Variants in PDE1A observed in about 807,000 individuals in gnomAD.
The protein encoded by PDE1A is dual specificity calcium/calmodulin-dependent 3',5'-cyclic nucleotide phosphodiesterase 1A.
PDE1A carries 35 observed loss-of-function variants against 61.7 expected under a neutral mutation model. The ratio of observed to expected loss-of-function variants is 0.57; its 90% CI spans 0.43 to 0.75. The LOEUF (loss-of-function observed/expected upper bound fraction) is 0.75. Among genes scored for constraint, PDE1A ranks in the 30% least tolerant of loss-of-function variants. The probability of loss-of-function intolerance (pLI) is 0.00; values close to 1 mark genes in which losing one functional copy is unlikely to be tolerated. For synonymous variants in PDE1A, 232 were observed against 213.2 expected, an observed-to-expected ratio of 1.09 and a Z score of -0.77; for missense variants, 597 against 630.6, an observed-to-expected ratio of 0.95 and a Z score of 0.57.
intron 2 of PDE1A, among the ~76,000 whole-genome samples, chr2:182,486,394 T>C (rs1688026260): frequency 6.6e-6 from 1 of 152,040 alleles, no homozygotes; most frequent in South Asian, 2.1e-4. Context: ...ACAGAAACAA[T>C]AATATTTCTA....
intron 2 of PDE1A, among the ~76,000 whole-genome samples, chr2:182,518,538 G>A (rs913718381): frequency 5.3e-5 from 8 of 152,224 alleles, no homozygotes; most frequent in South Asian, 4.1e-4. Context: ...CTGGACATTC[G>A]TCGGGATGGG....
chr2:182,534,281 T>C, the PDE1A span, among the ~76,000 whole-genome samples: 1 of 152,056 alleles, frequency 6.6e-6, no homozygotes, highest in African/African-American at 2.4e-5. Flanking sequence ...CCAATTTTCC[T>C]TTGTTATAAA....
intron 1 of PDE1A, among the ~76,000 whole-genome samples, chr2:182,270,112 G>A (rs1692912626): frequency 6.6e-6 from 1 of 152,054 alleles, no homozygotes; most frequent in African/African-American, 2.4e-5. Flanking sequence ...AGCACACTTT[G>A]ATCTGCTTAG....
chr2:182,568,917 T>C, the PDE1A span, among the ~76,000 whole-genome samples: 25 of 152,192 alleles, frequency 1.6e-4, no homozygotes, highest in African/African-American at 5.5e-4. Context: ...AATCTCATCT[T>C]GCCAAGTTGC....
At chr2:182,598,833 T>G in the PDE1A span, among the ~76,000 whole-genome samples, 3 of 152,218 alleles carry the variant, frequency 2.0e-5, no homozygotes, top group African/African-American at 7.2e-5. Context: ...CACAAAACTT[T>G]GTGGCTTAAA....
chr2:182,385,692 A>C (rs150790718), intron 1 of PDE1A, among the ~76,000 whole-genome samples: 1,677 of 147,634 alleles, frequency 0.011, 194 homozygotes, highest in African/African-American at 0.042. Context: ...AGAAAGAAAG[A>C]AAAAAGAAAG....
chr2:182,472,090 C>G (rs1288900014), intron 2 of PDE1A, among the ~76,000 whole-genome samples: 1 of 151,520 alleles, frequency 6.6e-6, no homozygotes, highest in African/African-American at 2.4e-5. Flanking sequence ...AAGAAAGGAA[C>G]TTAAAACACT....
chr2:182,215,649 T>C (rs1172323958), intron 7 of PDE1A, among the ~76,000 whole-genome samples: 10 of 128,182 alleles, frequency 7.8e-5, no homozygotes, highest in African/African-American at 3.1e-4. Context: ...TCTACGCAAA[T>C]AAACTAGAAA....
intron 2 of PDE1A, among the ~76,000 whole-genome samples, chr2:182,502,835 G>A (rs868449465): frequency 2.0e-4 from 30 of 152,220 alleles, no homozygotes; most frequent in African/African-American, 7.0e-4. Flanking sequence ...ATGTTTTGTT[G>A]CAGATTTGTG....
the PDE1A span, among the ~76,000 whole-genome samples, chr2:182,623,708 A>G: frequency 2.0e-5 from 3 of 152,222 alleles, no homozygotes; most frequent in East Asian, 1.9e-4. Flanking sequence ...TGTTAATATC[A>G]TTGACTTCAT....
intron 13 of PDE1A, among the ~76,000 whole-genome samples, chr2:182,158,883 C>T (rs1691234161): frequency 6.6e-6 from 1 of 152,048 alleles, no homozygotes; most frequent in Non-Finnish European, 1.5e-5. Context: ...GGAGAAAGAA[C>T]AAAATACAGA....
chr2:182,514,008 A>T (rs1327237774), intron 2 of PDE1A, among the ~76,000 whole-genome samples: 1 of 152,152 alleles, frequency 6.6e-6, no homozygotes, highest in East Asian at 1.9e-4. Context: ...AGACTGCAAC[A>T]CCCCACAGCA....
chr2:182,472,705 T>C lies in PDE1A; in HGVS notation c.101+49571A>G, dbSNP rs555861942. ...AATTGCACTTGTACCCATGAATATATACAAATAAAAAAGCTCATTTCCACA... is the reference window on the plus strand; with the variant it reads ...AATTGCACTTGTACCCATGAATATACACAAATAAAAAAGCTCATTTCCACA... On this transcript the variant is annotated intron_variant, in intron 2 of 14. Transcript: ENST00000410103. 7.5e-4 allele frequency among the ~76,000 whole-genome samples: 114 copies of C among 151,890 alleles called. 1 individual carries two copies. The highest frequency in any genetic ancestry group is 2.4e-3 in the African/African-American group (99 of 41,492).
At chr2:182,715,928 C>T in the PDE1A span, 1 of 152,228 alleles carries the variant, frequency 6.6e-6, no homozygotes, top group Non-Finnish European at 1.5e-5. Flanking sequence ...AAAAGACTCT[C>T]AGGGAACTCA....
intron 1 of PDE1A, among the ~76,000 whole-genome samples, chr2:182,344,425 T>C (rs569817855): frequency 6.6e-6 from 1 of 152,298 alleles, no homozygotes; most frequent in African/African-American, 2.4e-5. Context: ...CTAGCTATTG[T>C]ACTTAATTAT....
chr2:182,285,551 G>C (rs1444143020), intron 1 of PDE1A, among the ~76,000 whole-genome samples: 1 of 152,116 alleles, frequency 6.6e-6, no homozygotes, highest in Non-Finnish European at 1.5e-5. Context: ...AGAAAAAACT[G>C]AGAGAGTAGA....
chr2:182,359,935 G>T (rs1180285888), intron 1 of PDE1A, among the ~76,000 whole-genome samples: 3 of 152,122 alleles, frequency 2.0e-5, no homozygotes, highest in Non-Finnish European at 2.9e-5. Context: ...ATTTTATACA[G>T]TTCAAACCTG....
chr2:182,563,901 T>G, the PDE1A span, among the ~76,000 whole-genome samples: 29 of 152,186 alleles, frequency 1.9e-4, no homozygotes, highest in African/African-American at 5.3e-4. Context: ...GTTTTCCATT[T>G]GCTTGGTAGA....
chr2:182,147,123 C>T, exon 14 of PDE1A: 2 of 1,605,692 alleles, frequency 1.2e-6, no homozygotes, highest in Non-Finnish European at 1.7e-6. Context: ...TTTACTAAGT[C>T]TTCTGAGTTC....
Sources: allele counts gnomAD v4.1 joint callset (sites outside exome capture counted in the v4.1 genomes callset), GRCh38; gene constraint gnomAD v4.1.1; transcripts MANE v1.5; gene names NCBI Gene and HGNC (gene_info 2026-07-23, HGNC 2026-07-21).